Variants in MCCC1 observed in about 807,000 individuals in gnomAD.
MCCC1 encodes the protein methylcrotonyl-CoA carboxylase subunit 1, also known as methylcrotonoyl-CoA carboxylase subunit alpha, mitochondrial.
MCCC1 carries 64 observed loss-of-function variants against 83.8 expected under a neutral mutation model. The observed-to-expected ratio is 0.76, with a 90% CI of 0.62 to 0.94. MCCC1 has a LOEUF of 0.94. Among genes scored for constraint, MCCC1 ranks in the 40% least tolerant of loss-of-function variants. MCCC1 has a pLI of 0.00. For synonymous variants in MCCC1, 322 were observed against 315.4 expected, an observed-to-expected ratio of 1.02 and a Z score of -0.22; for missense variants, 807 against 904.7, an observed-to-expected ratio of 0.89 and a Z score of 1.39.
intron 14 of MCCC1, among the ~76,000 whole-genome samples, chr3:183,032,773 C>T (rs1405527717): frequency 6.6e-6 from 1 of 151,564 alleles, no homozygotes; most frequent in African/African-American, 2.4e-5. Context: ...ACTCGGGAGG[C>T]TGAGGCATGA....
At chr3:183,065,949 T>C (rs976614926) in intron 7 of MCCC1, among the ~76,000 whole-genome samples, 3 of 152,230 alleles carry the variant, frequency 2.0e-5, no homozygotes, top group Non-Finnish European at 4.4e-5. Context: ...TAAGGTTTTA[T>C]TGAAAATTGG....
At chr3:183,044,709 A>G (rs1438781203) in intron 10 of MCCC1, among the ~76,000 whole-genome samples, 1 of 151,970 alleles carries the variant, frequency 6.6e-6, no homozygotes, top group Non-Finnish European at 1.5e-5. Context: ...CTGTGACACA[A>G]TCTCACCTGC....
At chr3:183,084,319 T>C (rs549156817) in intron 4 of MCCC1, among the ~76,000 whole-genome samples, 9 of 152,220 alleles carry the variant, frequency 5.9e-5, no homozygotes, top group Non-Finnish European at 1.2e-4. Context: ...TTAGATGTTA[T>C]GCCCATAAGA....
intron 10 of MCCC1, among the ~76,000 whole-genome samples, chr3:183,043,904 G>A (rs559537969): frequency 6.6e-6 from 1 of 152,140 alleles, no homozygotes; most frequent in South Asian, 2.1e-4. Context: ...CTTGAATTCT[G>A]GAAATATAAA....
At chr3:183,066,089 GT>G (rs1227796271) in intron 7 of MCCC1, among the ~76,000 whole-genome samples, 33 of 152,128 alleles carry the variant, frequency 2.2e-4, no homozygotes, top group Non-Finnish European at 4.0e-4. Context: ...TAAATATGTT[GT>G]TAGTATGTGT....
chr3:183,050,355 C>G (rs1714871944), intron 9 of MCCC1, among the ~76,000 whole-genome samples: 1 of 152,012 alleles, frequency 6.6e-6, no homozygotes, highest in Admixed American at 6.5e-5. Context: ...AAGGCATGAT[C>G]TACAAATAAT....
intron 14 of MCCC1, among the ~76,000 whole-genome samples, chr3:183,030,270 G>A (rs1240638842): frequency 2.0e-5 from 3 of 152,182 alleles, no homozygotes; most frequent in South Asian, 2.1e-4. Context: ...ATCATACCAC[G>A]GCACTCCTGC....
At chr3:183,045,626 T>C in intron 9 of MCCC1, 86 bp from the exon 10 acceptor site, 1 of 1,390,408 alleles carries the variant, frequency 7.2e-7, no homozygotes, top group Admixed American at 1.7e-5. Flanking sequence ...CATCAAGTTT[T>C]ACCGCTGTCT....
At chr3:183,050,897 A>C (rs905000332) in intron 9 of MCCC1, among the ~76,000 whole-genome samples, 2 of 152,190 alleles carry the variant, frequency 1.3e-5, no homozygotes, top group Non-Finnish European at 2.9e-5. Flanking sequence ...ACACTTCATC[A>C]AAGAAGATAT....
At chr3:183,115,504 C>A (rs971265151) in exon 1 of MCCC1, 31 of 152,434 alleles carry the variant, frequency 2.0e-4, no homozygotes, top group Middle Eastern at 3.4e-3. Context: ...CCAGCGGATT[C>A]TTGCCATTTT....
chr3:183,035,131 A>G (rs1238719318), intron 13 of MCCC1, among the ~76,000 whole-genome samples: 1 of 152,214 alleles, frequency 6.6e-6, no homozygotes, highest in Non-Finnish European at 1.5e-5. Flanking sequence ...CAGGAGCTTC[A>G]GCATAGCTAA....
chr3:183,113,222 CA>C (rs35441023), intron 1 of MCCC1, among the ~76,000 whole-genome samples: 490 of 105,094 alleles, frequency 4.7e-3, no homozygotes, highest in African/African-American at 9.6e-3. Context: ...GACTCCATCT[CA>C]AAAAAAAAAA....
intron 4 of MCCC1, among the ~76,000 whole-genome samples, chr3:183,082,775 T>C (rs928384321): frequency 3.9e-5 from 6 of 152,076 alleles, no homozygotes; most frequent in Non-Finnish European, 7.4e-5. Flanking sequence ...CCCAGGAGTT[T>C]GAGACCAGCC....
intron 2 of MCCC1, among the ~76,000 whole-genome samples, chr3:183,093,965 A>G (rs1718551105): frequency 2.0e-5 from 3 of 152,188 alleles, no homozygotes; most frequent in Admixed American, 2.0e-4. Flanking sequence ...CCAATACACT[A>G]AGAGGGTCAA....
chr3:183,038,869 G>A (rs1713833348), intron 12 of MCCC1, among the ~76,000 whole-genome samples, 157 bp downstream of exon 12: 1 of 152,160 alleles, frequency 6.6e-6, no homozygotes, highest in African/African-American at 2.4e-5. Context: ...CCCTGTTCTG[G>A]CCCACGCAAA....
chr3:183,091,149 C>T, intron 3 of MCCC1: 1 of 390,660 alleles, frequency 2.6e-6, no homozygotes, highest in Non-Finnish European at 5.1e-6. Context: ...GCCTGCTGTA[C>T]AGTGATAAAA....
intron 15 of MCCC1, 28 bp from the exon 16 acceptor site, chr3:183,022,582 A>T (rs1428871609): frequency 6.5e-7 from 1 of 1,548,472 alleles, no homozygotes; most frequent in East Asian, 2.3e-5. Context: ...TAAGATTTTT[A>T]AAATAAATGA....
At chr3:183,072,803 C>T (rs1449872265) in intron 4 of MCCC1, among the ~76,000 whole-genome samples, 4 of 152,190 alleles carry the variant, frequency 2.6e-5, no homozygotes, top group African/African-American at 9.7e-5. Context: ...CTGTCATCAC[C>T]ATCCATCCTC....
Position 183,071,233 on chromosome 3 carries a change from C to G in MCCC1, c.616G>C (p.Ala206Pro). 6.2e-7 allele frequency: 1 copy of G among 1,614,232 alleles called. No homozygotes were observed. Among genetic ancestry groups the G allele is most frequent in the Non-Finnish European group, 8.5e-7 (1 of 1,180,038 alleles). The change falls in exon 6 of 19, where the codon GCC becomes CCC. Residue 206 changes from alanine (A) to proline (P), a missense_variant. By Grantham distance (27) the Ala-to-Pro change is conservative (BLOSUM62 -1). Transcript: ENST00000265594. ...RRIGYPVMIK[A>P]VRGGGGKGMR... ...ACTTTTCCTCCTCCACCCCGGACGG[C>G]TTTAATCATGACAGGATAGCCAATT...
Sources: gnomAD v4.1 joint callset for allele counts (sites outside exome capture counted in the v4.1 genomes callset) on GRCh38, gnomAD v4.1.1 for gene constraint, MANE v1.5 for transcripts, NCBI Gene and HGNC (gene_info 2026-07-23, HGNC 2026-07-21) for gene names.